Variants in DYNC1I2 observed in about 807,000 individuals in gnomAD.
The protein encoded by DYNC1I2 is cytoplasmic dynein 1 intermediate chain 2.
In DYNC1I2, 53 loss-of-function variants were observed where a neutral mutation model predicts 88.6. That is an observed-to-expected ratio of 0.60 (90% CI 0.48 to 0.75). DYNC1I2 has a LOEUF of 0.75. Among genes scored for constraint, DYNC1I2 ranks in the 30% least tolerant of loss-of-function variants. DYNC1I2 has a pLI of 0.00. For synonymous variants in DYNC1I2, 198 were observed against 254.6 expected, an observed-to-expected ratio of 0.78 and a Z score of 2.12; for missense variants, 458 against 766.6, an observed-to-expected ratio of 0.60 and a Z score of 4.75.
At chr2:171,736,076 G>A (rs1688984647) in intron 15 of DYNC1I2, among the ~76,000 whole-genome samples, 1 of 152,054 alleles carries the variant, frequency 6.6e-6, no homozygotes, top group African/African-American at 2.4e-5. Flanking sequence ...ACTCTCAGAG[G>A]GCACCAGCAT....
intron 5 of DYNC1I2, among the ~76,000 whole-genome samples, chr2:171,708,237 A>G (rs1251474694): frequency 1.3e-5 from 2 of 152,198 alleles, no homozygotes; most frequent in Non-Finnish European, 2.9e-5. Context: ...ACACCTTTTA[A>G]TAAGACATAA....
At chr2:171,690,300 A>T (rs942998513) in intron 2 of DYNC1I2, 37 bp downstream of exon 2, 11 of 1,409,308 alleles carry the variant, frequency 7.8e-6, no homozygotes, top group Non-Finnish European at 1.1e-5. Flanking sequence ...AACAACATAA[A>T]GTAATTGGGT....
At chr2:171,711,673 A>G (rs1213178517) in intron 5 of DYNC1I2, among the ~76,000 whole-genome samples, 1 of 152,192 alleles carries the variant, frequency 6.6e-6, no homozygotes, top group African/African-American at 2.4e-5. Context: ...AAATTCCAAG[A>G]TCTTTCTTTA....
chr2:171,729,585 T>C (rs1473750661), intron 14 of DYNC1I2, 124 bp from the exon 15 acceptor site: 4 of 977,148 alleles, frequency 4.1e-6, no homozygotes, highest in East Asian at 5.2e-5. Context: ...TGATAAGTTA[T>C]GAGCACAGAG....
At chr2:171,703,522 C>T in intron 3 of DYNC1I2, among the ~76,000 whole-genome samples, 1 of 152,078 alleles carries the variant, frequency 6.6e-6, no homozygotes, top group East Asian at 1.9e-4. Context: ...CACATCACAC[C>T]CGAGCTAAAA....
chr2:171,747,098 G>T (rs1689835041), intron 17 of DYNC1I2, among the ~76,000 whole-genome samples: 2 of 151,326 alleles, frequency 1.3e-5, no homozygotes, highest in South Asian at 4.2e-4. Context: ...GGAGGCTGAG[G>T]CAGGAGAATC....
At chr2:171,707,400 G>A (rs746933202) in intron 5 of DYNC1I2, 23 bp downstream of exon 5, 2 of 1,598,734 alleles carry the variant, frequency 1.3e-6, no homozygotes, top group East Asian at 2.3e-5. Flanking sequence ...TCCTTTTAAT[G>A]TTTTAATGAT....
At chr2:171,745,767 CT>C in intron 16 of DYNC1I2, 34 bp from the exon 17 acceptor site, 1 of 1,601,120 alleles carries the variant, frequency 6.2e-7, no homozygotes, top group Non-Finnish European at 8.5e-7. Context: ...CTTGATGAAA[CT>C]TTTAACACTG....
At chr2:171,724,734 A>G (rs1688122423) in intron 7 of DYNC1I2, among the ~76,000 whole-genome samples, 1 of 152,234 alleles carries the variant, frequency 6.6e-6, no homozygotes, top group South Asian at 2.1e-4. Context: ...TTATAGACAA[A>G]TAACGCATGT....
At position 171,748,035 on chromosome 2, in the gene DYNC1I2, A is replaced by G. The variant is rs1689920023; in HGVS notation, c.*146A>G. The G allele has an allele frequency of 7.7e-6, 4 of 517,928 alleles. No individual in the cohort carries two copies. Among genetic ancestry groups the G allele is most frequent in the Non-Finnish European group, 1.4e-5 (4 of 287,000 alleles). The allele number at this position is 517,928 out of a possible 1,614,324, so 32.1% of individuals were successfully genotyped here. A position where few individuals can be genotyped will look rare whatever the true frequency, so the allele number is the denominator to read the frequency against. On this transcript the variant is annotated 3_prime_UTR_variant, in exon 18 of 18. Coordinates refer to ENST00000397119, the MANE Select transcript of DYNC1I2 (RefSeq NM_001378.3). ...GTTTAATGCAGCAAGGAAACTTACA[A>G]TGTCCCTTTATATATAACATGCATC...
At chr2:171,694,973 T>G (rs1685656225) in intron 3 of DYNC1I2, among the ~76,000 whole-genome samples, 1 of 150,948 alleles carries the variant, frequency 6.6e-6, no homozygotes, top group South Asian at 2.1e-4. Flanking sequence ...TCTCCATCAT[T>G]AATTCTTGAA....
intron 3 of DYNC1I2, among the ~76,000 whole-genome samples, chr2:171,705,565 C>T (rs1427263707): frequency 1.3e-5 from 2 of 152,008 alleles, no homozygotes; most frequent in South Asian, 2.1e-4. Context: ...GTGTTTACAG[C>T]ACAGTAGGCA....
intron 7 of DYNC1I2, 76 bp from the exon 8 acceptor site, chr2:171,725,542 A>G: frequency 2.1e-6 from 2 of 959,822 alleles, no homozygotes; most frequent in Non-Finnish European, 3.0e-6. Context: ...AAAAGTTACC[A>G]GCTATTTTCA....
intron 15 of DYNC1I2, among the ~76,000 whole-genome samples, chr2:171,739,551 CCAT>C (rs1689251872): frequency 1.3e-5 from 2 of 152,084 alleles, no homozygotes; most frequent in African/African-American, 4.8e-5. Flanking sequence ...AAAAATACTA[CCAT>C]ATCATTATTA....
chr2:171,714,983 ATC>A (rs1687387015), intron 6 of DYNC1I2, among the ~76,000 whole-genome samples: 1 of 152,128 alleles, frequency 6.6e-6, no homozygotes, highest in Non-Finnish European at 1.5e-5. Flanking sequence ...AAAGAACCAT[ATC>A]CCAGCTGAAA....
At chr2:171,712,381 A>G (rs1687184507) in intron 5 of DYNC1I2, 2 of 167,204 alleles carry the variant, frequency 1.2e-5, no homozygotes, top group African/African-American at 2.4e-5. Context: ...GTTTGTTTTC[A>G]TTAGGAATCT....
chr2:171,724,119 G>A (rs1399533840), intron 7 of DYNC1I2, among the ~76,000 whole-genome samples: 1 of 152,056 alleles, frequency 6.6e-6, no homozygotes, highest in Non-Finnish European at 1.5e-5. Context: ...CACAAAAATC[G>A]CTCAATTTCA....
intron 3 of DYNC1I2, among the ~76,000 whole-genome samples, chr2:171,706,192 A>G (rs926367284): frequency 1.3e-5 from 2 of 152,254 alleles, no homozygotes; most frequent in East Asian, 3.9e-4. Context: ...CCTTCTTTTC[A>G]GTAGACTGTT....
chr2:171,713,687 A>G (rs1307726816), intron 6 of DYNC1I2, among the ~76,000 whole-genome samples: 2 of 150,980 alleles, frequency 1.3e-5, no homozygotes, highest in Non-Finnish European at 3.0e-5. Flanking sequence ...TGACTCAGAT[A>G]GCCCTTTTCC....
Sources: allele counts gnomAD v4.1 joint callset (sites outside exome capture counted in the v4.1 genomes callset), GRCh38; gene constraint gnomAD v4.1.1; transcripts MANE v1.5; gene names NCBI Gene and HGNC (gene_info 2026-07-23, HGNC 2026-07-21).